CHSY3: variants seen among roughly 807,000 people sequenced by gnomAD.
The protein encoded by CHSY3 is N-acetylgalactosaminyl-proteoglycan 3-beta-glucuronosyltransferase 3.
A neutral mutation model predicts 67.2 loss-of-function variants in CHSY3; 35 were observed. That is an observed-to-expected ratio of 0.52 (90% CI 0.40 to 0.69). The LOEUF (loss-of-function observed/expected upper bound fraction) is 0.69, where lower values mean the gene tolerates loss of function less well. Ranked by LOEUF, CHSY3 falls within the 30% of genes least tolerant of loss-of-function variation. The probability of loss-of-function intolerance (pLI) is 0.00; values close to 1 mark genes in which losing one functional copy is unlikely to be tolerated. For synonymous variants in CHSY3, 474 were observed against 434.7 expected (o/e 1.09, Z -1.12); for missense variants, 1,069 against 1,138.5 (o/e 0.94, Z 0.88).
intron 2 of CHSY3, among the ~76,000 whole-genome samples, chr5:130,143,157 C>T (rs999896668): frequency 6.6e-6 from 1 of 152,140 alleles, no homozygotes; most frequent in African/African-American, 2.4e-5. Flanking sequence ...TAGTGATTGC[C>T]TTACCCATAA....
At chr5:129,944,954 A>G (rs2149597050) in intron 2 of CHSY3, among the ~76,000 whole-genome samples, 1 of 152,352 alleles carries the variant, frequency 6.6e-6, no homozygotes, top group South Asian at 2.1e-4. Flanking sequence ...AACAGAAAGG[A>G]TTGTCACTTC....
At chr5:129,999,297 A>G (rs933653391) in intron 2 of CHSY3, among the ~76,000 whole-genome samples, 1 of 152,192 alleles carries the variant, frequency 6.6e-6, no homozygotes, top group Non-Finnish European at 1.5e-5. Context: ...AGAGACTGTT[A>G]TGATTGAAAA....
At chr5:129,961,946 C>T (rs114290695) in intron 2 of CHSY3, among the ~76,000 whole-genome samples, 2,119 of 152,040 alleles carry the variant, frequency 0.014, 19 homozygotes, top group Middle Eastern at 0.02. Flanking sequence ...TTTGGGAACT[C>T]TCATATTCTC....
At chr5:130,168,365 G>A (rs764894094) in intron 2 of CHSY3, among the ~76,000 whole-genome samples, 2 of 152,112 alleles carry the variant, frequency 1.3e-5, no homozygotes, top group African/African-American at 2.4e-5. Context: ...GATGATGGCA[G>A]TCTTCGCCCT....
intron 2 of CHSY3, among the ~76,000 whole-genome samples, chr5:129,994,936 T>C (rs989111692): frequency 6.6e-5 from 10 of 151,950 alleles, no homozygotes; most frequent in Admixed American, 5.2e-4. Context: ...TTAGGAGATA[T>C]ACCTAATGCT....
rs545817568 is a variant in CHSY3 at position 130,097,587 on chromosome 5, T to A, written c.1087-86642T>A. Among the ~76,000 whole-genome samples, 5 of 152,356 alleles carry A rather than the reference T, an allele frequency of 3.3e-5. No individual in the cohort carries two copies. The South Asian group carries it at 6.2e-4, about 19-fold the overall frequency. Reference sequence around the variant, plus strand: ...TGGATTTTTGAAACACTGGTCTGACTTTTTAGTTCTTTGGTTTTCCTTTCA... The same window carrying A: ...TGGATTTTTGAAACACTGGTCTGACATTTTAGTTCTTTGGTTTTCCTTTCA... On this transcript the variant is annotated intron_variant, in intron 2 of 2. Transcript: ENST00000305031.
intron 2 of CHSY3, among the ~76,000 whole-genome samples, chr5:129,953,917 C>T (rs1213356259): frequency 6.6e-6 from 1 of 152,100 alleles, no homozygotes; most frequent in Non-Finnish European, 1.5e-5. Flanking sequence ...AATGTTCTCC[C>T]ATTCTGTAGG....
intron 2 of CHSY3, among the ~76,000 whole-genome samples, chr5:130,109,709 A>G (rs1052933312): frequency 1.3e-5 from 2 of 151,604 alleles, no homozygotes; most frequent in Non-Finnish European, 1.5e-5. Context: ...TTTTAAGTGC[A>G]TATTTACTAC....
intron 2 of CHSY3, among the ~76,000 whole-genome samples, chr5:129,923,215 T>C (rs2149584358): frequency 1.5e-5 from 1 of 67,146 alleles, no homozygotes; most frequent in African/African-American, 6.1e-5. Flanking sequence ...GTGGGAATTT[T>C]TAAGATGATG....
intron 2 of CHSY3, among the ~76,000 whole-genome samples, chr5:130,011,332 T>G (rs536912024): frequency 1.3e-5 from 2 of 152,198 alleles, no homozygotes; most frequent in Non-Finnish European, 2.9e-5. Flanking sequence ...TGCAAATCAA[T>G]AAATGTGATT....
intron 2 of CHSY3, among the ~76,000 whole-genome samples, chr5:129,930,151 A>G (rs1185058248): frequency 6.6e-6 from 1 of 151,924 alleles, no homozygotes; most frequent in Non-Finnish European, 1.5e-5. Context: ...TGGCCAACAT[A>G]GTGAAACCCC....
intron 2 of CHSY3, among the ~76,000 whole-genome samples, chr5:129,963,458 A>G (rs1580588066): frequency 6.6e-6 from 1 of 152,034 alleles, no homozygotes; most frequent in South Asian, 2.1e-4. Flanking sequence ...TGGGACTGGT[A>G]TAACATTTAA....
intron 2 of CHSY3, among the ~76,000 whole-genome samples, chr5:130,082,560 A>G (rs932433660): frequency 2.6e-5 from 4 of 152,050 alleles, no homozygotes; most frequent in African/African-American, 9.7e-5. Context: ...TATCTGAATA[A>G]ATATCATTAA....
intron 2 of CHSY3, among the ~76,000 whole-genome samples, chr5:130,025,340 A>C (rs948742018): frequency 2.6e-5 from 4 of 152,132 alleles, no homozygotes; most frequent in Non-Finnish European, 2.9e-5. Flanking sequence ...CAACATGCAA[A>C]AGGTACAGTG....
At chr5:130,115,597 T>C (rs1451664848) in intron 2 of CHSY3, among the ~76,000 whole-genome samples, 1 of 152,210 alleles carries the variant, frequency 6.6e-6, no homozygotes, top group Admixed American at 6.5e-5. Context: ...GATTCAGCCA[T>C]TCTCTTTGTT....
chr5:130,038,988 C>T (rs1307583167), intron 2 of CHSY3, among the ~76,000 whole-genome samples: 2 of 151,894 alleles, frequency 1.3e-5, no homozygotes, highest in Admixed American at 6.6e-5. Context: ...GAAATTCATA[C>T]GAATATTTCT....
At chr5:130,038,436 T>A (rs1040685538) in intron 2 of CHSY3, among the ~76,000 whole-genome samples, 4 of 152,166 alleles carry the variant, frequency 2.6e-5, no homozygotes, top group Admixed American at 2.0e-4. Context: ...ACTTTTTAAA[T>A]AGAGGCTTGA....
intron 2 of CHSY3, among the ~76,000 whole-genome samples, chr5:129,953,246 T>C (rs1580573788): frequency 6.6e-6 from 1 of 152,176 alleles, no homozygotes; most frequent in African/African-American, 2.4e-5. Flanking sequence ...TTTCTGTTTC[T>C]GTATTAGTTT....
intron 2 of CHSY3, among the ~76,000 whole-genome samples, chr5:130,171,872 T>A (rs1465284020): frequency 6.6e-6 from 1 of 152,208 alleles, no homozygotes; most frequent in Non-Finnish European, 1.5e-5. Flanking sequence ...CAGGTTGTTT[T>A]TGACAGGATG....
Sources: gnomAD v4.1 joint callset for allele counts (sites outside exome capture counted in the v4.1 genomes callset) on GRCh38, gnomAD v4.1.1 for gene constraint, MANE v1.5 for transcripts, NCBI Gene and HGNC (gene_info 2026-07-23, HGNC 2026-07-21) for gene names.